ESR1: variants seen among roughly 807,000 people sequenced by gnomAD.
ESR1 encodes estrogen receptor 1.
A neutral mutation model predicts 52.7 loss-of-function variants in ESR1; 12 were observed. That is an observed-to-expected ratio of 0.23 (90% CI 0.15 to 0.37). The LOEUF is 0.37. Ranked by LOEUF, ESR1 falls within the 10% of genes least tolerant of loss-of-function variation. The pLI is 1.00. For missense variants in ESR1, 584 were observed against 779.7 expected, an observed-to-expected ratio of 0.75 and a Z score of 2.99; for synonymous variants, 305 against 316.8, an observed-to-expected ratio of 0.96 and a Z score of 0.39.
At chr6:151,975,271 G>A (rs2039330331) in intron 4 of ESR1, among the ~76,000 whole-genome samples, 1 of 152,086 alleles carries the variant, frequency 6.6e-6, no homozygotes, top group Non-Finnish European at 1.5e-5. Context: ...AAGAATGGAG[G>A]CAACTTTGAA....
intron 5 of ESR1, among the ~76,000 whole-genome samples, chr6:152,039,626 G>A (rs2045617896): frequency 6.6e-6 from 1 of 152,218 alleles, no homozygotes; most frequent in Admixed American, 6.5e-5. Context: ...GGTGAGTGGT[G>A]CCACTTCCAT....
At chr6:151,826,017 G>C (rs75283235) in intron 1 of ESR1, among the ~76,000 whole-genome samples, 10,528 of 151,972 alleles carry the variant, frequency 0.069, 499 homozygotes, top group Non-Finnish European at 0.092. Context: ...GGTAACAGCT[G>C]AGTGATTTTG....
chr6:152,075,047 C>T (rs1270965498), intron 6 of ESR1, among the ~76,000 whole-genome samples: 1 of 152,168 alleles, frequency 6.6e-6, no homozygotes, highest in Non-Finnish European at 1.5e-5. Context: ...CTTGTCTTCT[C>T]ATTCTCTGGA....
At chr6:151,870,647 T>A (rs1790781345) in intron 2 of ESR1, among the ~76,000 whole-genome samples, 1 of 152,190 alleles carries the variant, frequency 6.6e-6, no homozygotes, top group Non-Finnish European at 1.5e-5. Context: ...TAGGGTAATC[T>A]AACTCATTGC....
chr6:151,808,279 C>T lies in ESR1; in HGVS notation c.367C>T (p.Pro123Ser). ...GCCGCAGCTGTCGCCTTTCCTGCAG[C>T]CCCACGGCCAGCAGGTGCCCTACTA... ...PPPQLSPFLQPHGQQVPYYLE... is the reference protein window; with the variant it reads ...PPPQLSPFLQSHGQQVPYYLE... Residue 123 changes from proline to serine, a missense_variant, in exon 1 of 8, where the codon CCC (proline) becomes TCC (serine). Transcript: ENST00000206249. 1 of 1,586,140 alleles carries T rather than the reference C, an allele frequency of 6.3e-7. No homozygotes were observed.
At chr6:152,045,148 A>G (rs987012977) in intron 5 of ESR1, among the ~76,000 whole-genome samples, 2 of 152,180 alleles carry the variant, frequency 1.3e-5, no homozygotes, top group African/African-American at 2.4e-5. Flanking sequence ...GGAATGGTAC[A>G]TGGAGAAGCA....
intron 6 of ESR1, among the ~76,000 whole-genome samples, chr6:152,081,774 T>TA (rs2049240438): frequency 6.6e-6 from 1 of 151,808 alleles, no homozygotes; most frequent in Non-Finnish European, 1.5e-5. Context: ...ATAGATGCAA[T>TA]AAAAAATGAT....
intron 5 of ESR1, among the ~76,000 whole-genome samples, chr6:152,037,730 A>C (rs1394031390): frequency 6.6e-6 from 1 of 152,208 alleles, no homozygotes; most frequent in Non-Finnish European, 1.5e-5. Flanking sequence ...CTTACAAAGC[A>C]CATCTTTCTG....
In ESR1 at chr6:151,783,807, T is replaced by C. The variant is rs141067714; in HGVS notation, c.-70-24036T>C. Among the ~76,000 whole-genome samples, 229 of 152,280 alleles carry C rather than the reference T, an allele frequency of 1.5e-3. 4 individuals are homozygous for C. The East Asian group carries it at 0.017, about 11-fold the overall frequency. On this transcript the variant is annotated intron_variant, in intron 2 of 2. Transcript: ENST00000404742. Reference sequence around the variant, plus strand: ...GTCCGTTTTCTATTCCAGTATCCCATCCAGAATACCACATTACATTCTGTT... The same window carrying C: ...GTCCGTTTTCTATTCCAGTATCCCACCCAGAATACCACATTACATTCTGTT...
chr6:152,108,005 G>A (rs865790850), downstream of ESR1, among the ~76,000 whole-genome samples: 2 of 152,210 alleles, frequency 1.3e-5, no homozygotes, highest in South Asian at 2.1e-4. Flanking sequence ...TGTGGCTGGA[G>A]AATGCATTCA....
chr6:151,876,763 C>G (rs1250687569), intron 2 of ESR1, among the ~76,000 whole-genome samples: 1 of 152,168 alleles, frequency 6.6e-6, no homozygotes, highest in East Asian at 1.9e-4. Flanking sequence ...CCCTCCACTT[C>G]CTGCCAGTCA....
intron 4 of ESR1, among the ~76,000 whole-genome samples, chr6:151,971,295 G>A (rs977964296): frequency 6.6e-6 from 1 of 152,008 alleles, no homozygotes; most frequent in African/African-American, 2.4e-5. Flanking sequence ...TCCATCACAC[G>A]AGCGGTGTAC....
chr6:152,105,054 T>C (rs999138320), downstream of ESR1, among the ~76,000 whole-genome samples: 2 of 152,208 alleles, frequency 1.3e-5, no homozygotes, highest in Non-Finnish European at 2.9e-5. Context: ...ACAGCCCACC[T>C]GGAGAGGACA....
intron 6 of ESR1, among the ~76,000 whole-genome samples, chr6:152,075,000 G>A (rs2048624523): frequency 6.6e-6 from 1 of 152,148 alleles, no homozygotes; most frequent in South Asian, 2.1e-4. Flanking sequence ...TCATTTAGCA[G>A]GTATGTCTTT....
At chr6:151,891,573 T>C (rs1794704428) in intron 3 of ESR1, among the ~76,000 whole-genome samples, 1 of 152,188 alleles carries the variant, frequency 6.6e-6, no homozygotes, top group Non-Finnish European at 1.5e-5. Context: ...TGCACCTTTT[T>C]GTTTTTCAGT....
chr6:151,686,491 C>T (rs1483321061), upstream of ESR1, among the ~76,000 whole-genome samples: 22 of 152,154 alleles, frequency 1.4e-4, no homozygotes, highest in Admixed American at 6.5e-5. Flanking sequence ...CGAGACCATC[C>T]CGGCTAACAT....
At chr6:151,900,986 G>A (rs1014138821) in intron 3 of ESR1, among the ~76,000 whole-genome samples, 4 of 152,192 alleles carry the variant, frequency 2.6e-5, no homozygotes. Context: ...ATCAGGCAGT[G>A]GCCAGGGCCT....
At chr6:151,731,592 A>ATGTT (rs1487768893) in intron 2 of ESR1, among the ~76,000 whole-genome samples, 1 of 152,160 alleles carries the variant, frequency 6.6e-6, no homozygotes, top group East Asian at 1.9e-4. Flanking sequence ...CAAGACACAT[A>ATGTT]TAAACCCTCA....
At chr6:151,834,179 C>T (rs1289823153) in intron 1 of ESR1, among the ~76,000 whole-genome samples, 4 of 152,038 alleles carry the variant, frequency 2.6e-5, no homozygotes, top group East Asian at 1.9e-4. Context: ...ACCATTTGGC[C>T]CAGCAATCCC....
Sources: allele counts gnomAD v4.1 joint callset (sites outside exome capture counted in the v4.1 genomes callset), GRCh38; gene constraint gnomAD v4.1.1; transcripts MANE v1.5; gene names NCBI Gene and HGNC (gene_info 2026-07-23, HGNC 2026-07-21).